The following STPG1 variants were observed in gnomAD, a reference collection of about 807,000 sequenced individuals.
STPG1 encodes sperm tail PG-rich repeat containing 1.
A neutral mutation model predicts 40.1 loss-of-function variants in STPG1; 33 were observed. That is an observed-to-expected ratio of 0.82 (90% CI 0.62 to 1.10). STPG1 has a LOEUF of 1.10. Among genes scored for constraint, STPG1 ranks in the 50% least tolerant of loss-of-function variants. The pLI is 0.00. For synonymous variants in STPG1, 150 were observed against 155.0 expected (o/e 0.97, Z 0.24); for missense variants, 396 against 415.1 (o/e 0.95, Z 0.40).
chr1:24,410,477 C>T (rs1304818801), intron 1 of STPG1, among the ~76,000 whole-genome samples: 1 of 152,138 alleles, frequency 6.6e-6, no homozygotes, highest in Non-Finnish European at 1.5e-5. Flanking sequence ...GACATGGTGG[C>T]GTGCACCTGT....
In STPG1 at chr1:24,399,056, AT is replaced by A; in HGVS notation, c.70+2262del. 6.6e-6 allele frequency among the ~76,000 whole-genome samples: 1 copy of A among 152,186 alleles called. No homozygotes were observed. Among genetic ancestry groups the A allele is most frequent in the East Asian group, 1.9e-4 (1 of 5,206 alleles). ...TGTATCAAAATATCATGTGTGCACC[AT>A]AAATATGTACAACTATTATGTATCC... On this transcript the variant is annotated intron_variant, in intron 2 of 8. Transcript: ENST00000337248. This position sits in a 1 kb window ranked among gnomAD's most constrained non-coding sequence, Gnocchi z 4.0.
chr1:24,412,503 T>A (rs1643738519), intron 1 of STPG1, among the ~76,000 whole-genome samples: 1 of 151,940 alleles, frequency 6.6e-6, no homozygotes, highest in African/African-American at 2.4e-5. Context: ...CTTTATTTGT[T>A]TATGATCTTC....
Position 24,360,934 on chromosome 1 carries a change from T to C in STPG1, c.845A>G (p.Lys282Arg), listed in dbSNP as rs1427420423. The change falls in exon 8 of 9, where the codon AAG becomes AGG. Residue 282 changes from lysine (K) to arginine (R), a missense_variant. Physicochemically the swap from Lys to Arg is conservative, Grantham distance 26. Transcript: ENST00000337248. ...YEIVDYLGPR[K>R]HFISSASFVS... ...GAATGATGCACTAGAGATGAAATGC[T>C]TGCGGGGGCCTAAGTAGTCCACGAT... is the stretch of plus-strand genomic sequence containing the variant. 9 of 1,614,078 alleles carry C rather than the reference T, an allele frequency of 5.6e-6. No individual in the cohort carries two copies. Among genetic ancestry groups the C allele is most frequent in the Non-Finnish European group, 7.6e-6 (9 of 1,180,006 alleles).
intron 7 of STPG1, among the ~76,000 whole-genome samples, chr1:24,365,627 C>T (rs1271058043): frequency 1.3e-5 from 2 of 152,226 alleles, no homozygotes; most frequent in African/African-American, 2.4e-5. Context: ...GCACAGCATC[C>T]GCCCTGCGGG....
chr1:24,361,072 C>G (rs1344424599), intron 7 of STPG1, 31 bp from the exon 8 acceptor site: 1 of 1,566,284 alleles, frequency 6.4e-7, no homozygotes, highest in Admixed American at 1.8e-5. Context: ...GAAGATGTCA[C>G]TAAGGCAGTC....
chr1:24,406,032 C>T (rs1408687250), intron 1 of STPG1, among the ~76,000 whole-genome samples: 3 of 151,980 alleles, frequency 2.0e-5, no homozygotes, highest in African/African-American at 7.2e-5. Context: ...TCAAACTCTG[C>T]CTTTTGATTG....
At chr1:24,378,823 C>T (rs571392451) in intron 5 of STPG1, among the ~76,000 whole-genome samples, 14 of 152,302 alleles carry the variant, frequency 9.2e-5, no homozygotes, top group South Asian at 6.2e-4. Flanking sequence ...CTTTCACGTT[C>T]GTTGCCTTAT....
At chr1:24,372,484 G>A (rs1462495140) in intron 6 of STPG1, among the ~76,000 whole-genome samples, 1 of 152,200 alleles carries the variant, frequency 6.6e-6, no homozygotes. Flanking sequence ...CACCCCGGGA[G>A]GGAGCAGGAG....
At chr1:24,378,189 C>T (rs146738193) in intron 5 of STPG1, among the ~76,000 whole-genome samples, 35 of 152,136 alleles carry the variant, frequency 2.3e-4, no homozygotes, top group African/African-American at 7.5e-4. Flanking sequence ...TTTAAAGACT[C>T]ACTACAAGGA....
intron 3 of STPG1, 106 bp downstream of exon 3, chr1:24,391,455 G>A (rs1642767906): frequency 1.4e-6 from 1 of 692,694 alleles, no homozygotes; most frequent in Non-Finnish European, 2.4e-6. Context: ...GGAGCACACT[G>A]CCCTCCACTG....
At chr1:24,364,144 C>T in intron 7 of STPG1, 4 of 1,472,050 alleles carry the variant, frequency 2.7e-6, no homozygotes, top group Non-Finnish European at 3.6e-6. Context: ...ACTTTCCCTG[C>T]AAACTCGAAT....
chr1:24,362,634 G>T (rs1641196201), intron 7 of STPG1, among the ~76,000 whole-genome samples: 2 of 152,210 alleles, frequency 1.3e-5, no homozygotes, highest in Non-Finnish European at 2.9e-5. Flanking sequence ...GATGATCCCT[G>T]TGTCAGCATC....
At chr1:24,412,768 T>C (rs1643760015) in intron 1 of STPG1, among the ~76,000 whole-genome samples, 1 of 152,218 alleles carries the variant, frequency 6.6e-6, no homozygotes, top group Admixed American at 6.5e-5. Context: ...AATGAATGAA[T>C]GAATGAATAC....
At chr1:24,388,948 C>A (rs1642631402) in intron 3 of STPG1, among the ~76,000 whole-genome samples, 3 of 152,286 alleles carry the variant, frequency 2.0e-5, no homozygotes, top group South Asian at 2.1e-4. Context: ...AGGCACACAG[C>A]CAGTGACAGA....
At chr1:24,371,102 C>T (rs1356102635) in intron 6 of STPG1, among the ~76,000 whole-genome samples, 1 of 152,162 alleles carries the variant, frequency 6.6e-6, no homozygotes, top group Non-Finnish European at 1.5e-5. Flanking sequence ...AGCGATCTCA[C>T]CCCTAAGTTG....
intron 6 of STPG1, 25 bp from the exon 7 acceptor site, chr1:24,369,864 A>G: frequency 6.4e-7 from 1 of 1,565,240 alleles, no homozygotes; most frequent in Non-Finnish European, 8.7e-7. Context: ...ATTTTAGGAC[A>G]GAATAAGGAA....
At chr1:24,389,962 C>T (rs542393174) in intron 3 of STPG1, among the ~76,000 whole-genome samples, 1 of 152,288 alleles carries the variant, frequency 6.6e-6, no homozygotes, top group South Asian at 2.1e-4. Flanking sequence ...AAACTTGAAA[C>T]ATTCTCTAGT....
chr1:24,377,774 G>A (rs914334105), intron 5 of STPG1, among the ~76,000 whole-genome samples: 6 of 152,164 alleles, frequency 3.9e-5, no homozygotes, highest in African/African-American at 1.4e-4. Flanking sequence ...GGGCTGGAAT[G>A]AGGTGACTTT....
rs368291081 is a variant in STPG1, at chr1:24,369,863, C to T, written c.572-24G>A. The T allele has an allele frequency of 4.7e-5, 73 of 1,569,308 alleles. No homozygotes were observed. In the African/African-American group the frequency reaches 9.6e-4, roughly 21 times the overall value. The stretch of plus-strand genomic sequence containing the variant: ...CCCTAAGGAGAAAGAAATTTTAGGA[C>T]AGAATAAGGAACTCTTCTCAAGTAA... On this transcript the variant is annotated intron_variant, in intron 6 of 8. Transcript: ENST00000337248.
Sources: allele counts gnomAD v4.1 joint callset (sites outside exome capture counted in the v4.1 genomes callset), GRCh38; gene constraint gnomAD v4.1.1; non-coding constraint Gnocchi (gnomAD v3.1); transcripts MANE v1.5; gene names NCBI Gene and HGNC (gene_info 2026-07-23, HGNC 2026-07-21).